The following ANK3 variants were observed in gnomAD, a reference collection of about 807,000 sequenced individuals.
ANK3 encodes the protein ankyrin 3, also known as ankyrin-3.
Under a neutral mutation model 370.9 loss-of-function variants are expected in ANK3, and 57 were observed. That is an observed-to-expected ratio of 0.15 (90% CI 0.12 to 0.19). ANK3 has a LOEUF of 0.19. Among genes scored for constraint, ANK3 ranks in the 10% least tolerant of loss-of-function variants. The probability of loss-of-function intolerance (pLI) is 1.00; values close to 1 mark genes in which losing one functional copy is unlikely to be tolerated. For missense variants in ANK3, 4,439 were observed against 5,302.1 expected (o/e 0.84, Z 5.06); for synonymous variants, 1,929 against 1,946.3 (o/e 0.99, Z 0.23).
chr10:60,060,921 C>T (rs2080320611), intron 40 of ANK3, among the ~76,000 whole-genome samples: 1 of 152,170 alleles, frequency 6.6e-6, no homozygotes, highest in Non-Finnish European at 1.5e-5. Context: ...GAACGAATCC[C>T]TTGTTTTAAA....
At chr10:60,331,543 C>A (rs892037298) in intron 1 of ANK3, among the ~76,000 whole-genome samples, 6 of 150,240 alleles carry the variant, frequency 4.0e-5, no homozygotes, top group Non-Finnish European at 5.9e-5. Context: ...TTGGAGGAAA[C>A]CCCCCTGTGA....
chr10:60,634,561 C>T (rs187454464), intron 1 of ANK3, among the ~76,000 whole-genome samples: 13 of 152,006 alleles, frequency 8.6e-5, no homozygotes, highest in Non-Finnish European at 1.5e-4. Context: ...TAAAATGGAC[C>T]GATCAGGAGG....
At chr10:60,444,344 C>T (rs184220537) in intron 2 of ANK3, among the ~76,000 whole-genome samples, 242 of 150,386 alleles carry the variant, frequency 1.6e-3, no homozygotes, top group African/African-American at 5.6e-3. Context: ...TGATATAATG[C>T]TCCTGAAAAA....
At chr10:60,474,920 A>AT (rs60825855) in intron 2 of ANK3, among the ~76,000 whole-genome samples, 1 of 152,010 alleles carries the variant, frequency 6.6e-6, no homozygotes, top group Non-Finnish European at 1.5e-5. Context: ...CTGCATTTAA[A>AT]TTTTTTCTGC....
At position 60,075,427 on chromosome 10, in the gene ANK3, T is replaced by G. The variant is rs928343807; in HGVS notation, c.5454A>C (p.Ser1818=). ...CAGAGTATACTGGCACTGTTATAAT[T>G]GATGAAGTTACAGATGAGGTAGTTG... The part of the protein sequence containing the change: ...ISATTSSVTS[S]IITVPVYSVV... Residue 1818 remains serine (S), a synonymous_variant, in exon 37 of 44, where the codon TCA becomes TCC. Coordinates refer to ENST00000280772, the MANE Select transcript of ANK3 (RefSeq NM_020987.5). 91 of 1,613,178 alleles carry G rather than the reference T, an allele frequency of 5.6e-5. No individual in the cohort carries two copies. Among genetic ancestry groups the G allele is most frequent in the Non-Finnish European group, 7.0e-5 (83 of 1,180,010 alleles).
intron 2 of ANK3, among the ~76,000 whole-genome samples, chr10:60,612,690 A>C (rs192610975): frequency 8.1e-4 from 123 of 152,122 alleles, no homozygotes; most frequent in Non-Finnish European, 1.5e-3. Flanking sequence ...ATGGGGTTTC[A>C]CCGTGTTAGC....
chr10:60,418,879 A>G (rs1367156625), intron 2 of ANK3, among the ~76,000 whole-genome samples: 1 of 152,196 alleles, frequency 6.6e-6, no homozygotes. Context: ...TGAGTTTCAT[A>G]AAATTCTGTT....
At chr10:60,545,017 A>C (rs1478660647) in intron 2 of ANK3, among the ~76,000 whole-genome samples, 2 of 122 alleles carry the variant, frequency 0.016, no homozygotes, top group Admixed American at 0.083. Context: ...CTTCCCCGGA[A>C]GGCTCTTGTA....
chr10:60,032,202 T>TTTTTTTTTTTTTTTTTTG lies in ANK3; in HGVS notation c.*20-2394_*20-2377dup. Among the ~76,000 whole-genome samples the TTTTTTTTTTTTTTTTTTG allele has an allele frequency of 1.7e-5, 2 of 116,370 alleles. 1 individual carries two copies. The highest frequency in any genetic ancestry group is 3.8e-5 in the Non-Finnish European group (2 of 52,544). The allele number at this position is 116,370 out of a possible 152,430, so 76.3% of individuals were successfully genotyped here. A position where few individuals can be genotyped will look rare whatever the true frequency, so the allele number is the denominator to read the frequency against. Reference sequence around the variant, plus strand: ...TTATAAATACACAGCTTCTTTTTTTTTTTTTTTTTTTTTTTTTGAGACGAA... The same window carrying TTTTTTTTTTTTTTTTTTG: ...TTATAAATACACAGCTTCTTTTTTTTTTTTTTTTTTTTTTTTTGTTTTTTTTTTTTTTTTTGAGACGAA... On this transcript the variant is annotated intron_variant, in intron 43 of 43. Transcript: ENST00000280772.
chr10:60,278,514 A>T (rs1296856123), intron 4 of ANK3, among the ~76,000 whole-genome samples: 2 of 152,084 alleles, frequency 1.3e-5, no homozygotes, highest in Non-Finnish European at 2.9e-5. Flanking sequence ...ATCTGGGATT[A>T]CAGACACCAT....
intron 2 of ANK3, among the ~76,000 whole-genome samples, chr10:60,592,686 C>T (rs1258217090): frequency 6.6e-6 from 1 of 152,188 alleles, no homozygotes; most frequent in Non-Finnish European, 1.5e-5. Flanking sequence ...ATCACTTGAA[C>T]TCAGGAGGCA....
At chr10:60,290,503 T>TA (rs897135546) in intron 1 of ANK3, among the ~76,000 whole-genome samples, 6 of 151,806 alleles carry the variant, frequency 4.0e-5, no homozygotes, top group Admixed American at 3.3e-4. Flanking sequence ...CTTAACCAAT[T>TA]AAAAAAAATG....
chr10:60,278,936 A>G, intron 3 of ANK3, 64 bp from the exon 4 acceptor site: 2 of 1,572,664 alleles, frequency 1.3e-6, no homozygotes, highest in Non-Finnish European at 1.8e-6. Context: ...TTCTCCCCAA[A>G]GAGAACAAAT....
intron 1 of ANK3, among the ~76,000 whole-genome samples, chr10:60,655,060 C>G (rs900940837): frequency 1.3e-5 from 2 of 152,156 alleles, no homozygotes; most frequent in Admixed American, 6.5e-5. Context: ...AACAAAGCTA[C>G]TGTGCTGCCA....
rs2082321027 is a variant in ANK3 at position 60,069,631 on chromosome 10, G to A, written c.11250C>T (p.Thr3750=). The A allele has an allele frequency of 6.2e-7, 1 of 1,614,116 alleles. No individual in the cohort carries two copies. The highest frequency in any genetic ancestry group is 8.5e-7 in the Non-Finnish European group (1 of 1,180,008). Residue 3750 remains threonine (T), a synonymous_variant, in exon 37 of 44, where the codon ACC becomes ACT. Coordinates refer to ENST00000280772, the MANE Select transcript of ANK3 (RefSeq NM_020987.5). ...TTTCATTTTCTAATCCCTGACAACT[G>A]GTCATCACCGCTTCTATCTTATCTG... is the stretch of plus-strand genomic sequence containing the variant. ...EITDKIEAVM[T]SCQGLENETI...
intron 2 of ANK3, among the ~76,000 whole-genome samples, chr10:60,490,913 T>A (rs1039714620): frequency 1.3e-5 from 2 of 152,202 alleles, no homozygotes; most frequent in Non-Finnish European, 2.9e-5. Flanking sequence ...TCAAGAAAGT[T>A]CTTCCCTGTC....
intron 1 of ANK3, among the ~76,000 whole-genome samples, chr10:60,667,670 C>A (rs1242721480): frequency 6.6e-6 from 1 of 151,424 alleles, no homozygotes; most frequent in African/African-American, 2.5e-5. Context: ...AAGCTGTCTC[C>A]ATTTCCTCCA....
intron 2 of ANK3, among the ~76,000 whole-genome samples, chr10:60,555,081 G>C (rs2077177950): frequency 6.6e-6 from 1 of 152,066 alleles, no homozygotes; most frequent in African/African-American, 2.4e-5. Context: ...AGAAAAAAAA[G>C]ACAAAACTTC....
At chr10:60,529,997 C>T (rs919776463) in intron 2 of ANK3, among the ~76,000 whole-genome samples, 1 of 152,108 alleles carries the variant, frequency 6.6e-6, no homozygotes, top group East Asian at 1.9e-4. Flanking sequence ...CCCATCCCAC[C>T]CCCTGCTTTT....
Sources: gnomAD v4.1 joint callset for allele counts (sites outside exome capture counted in the v4.1 genomes callset) on GRCh38, gnomAD v4.1.1 for gene constraint, MANE v1.5 for transcripts, NCBI Gene and HGNC (gene_info 2026-07-23, HGNC 2026-07-21) for gene names.